PIBF1: variants seen among roughly 807,000 people sequenced by gnomAD.
The protein encoded by PIBF1 is progesterone-induced-blocking factor 1.
PIBF1 carries 90 observed loss-of-function variants against 112.5 expected under a neutral mutation model. The observed-to-expected ratio is 0.80, with a 90% confidence interval of 0.67 to 0.95. The LOEUF (loss-of-function observed/expected upper bound fraction) is 0.95. Among genes scored for constraint, PIBF1 ranks in the 40% least tolerant of loss-of-function variants. The pLI is 0.00. For synonymous variants in PIBF1, 301 were observed against 288.6 expected (o/e 1.04, Z -0.44); for missense variants, 915 against 852.3 (o/e 1.07, Z -0.92).
intron 16 of PIBF1, among the ~76,000 whole-genome samples, chr13:72,975,569 T>G (rs747376186): frequency 1.3e-4 from 20 of 152,024 alleles, no homozygotes; most frequent in Admixed American, 2.6e-4. Context: ...GGCATTGGAG[T>G]GAGTTCTCTT....
rs972228111 is a variant in PIBF1, at chr13:72,784,339, G to A, written c.252+618G>A. 5.3e-5 allele frequency among the ~76,000 whole-genome samples: 8 copies of A among 151,342 alleles called. No individual in the cohort carries two copies. In the East Asian group the frequency reaches 9.7e-4, roughly 18 times the overall value. On this transcript the variant is annotated intron_variant, in intron 2 of 17. Transcript: ENST00000326291. ...TGGGTGCCTGTAATCCCAGCTGCTC[G>A]GGAGGCTGAGGCAGGAGAATTGCTT... is the stretch of plus-strand genomic sequence containing the variant.
At chr13:72,986,804 C>G (rs973344401) in intron 16 of PIBF1, among the ~76,000 whole-genome samples, 3 of 151,872 alleles carry the variant, frequency 2.0e-5, no homozygotes, top group Non-Finnish European at 4.4e-5. Context: ...CATTCTCCTG[C>G]CTCAGCCTCC....
intron 10 of PIBF1, among the ~76,000 whole-genome samples, chr13:72,870,488 A>G (rs1419356500): frequency 6.6e-6 from 1 of 152,210 alleles, no homozygotes; most frequent in East Asian, 1.9e-4. Context: ...ATGCCAAAGT[A>G]TCTCTCTAAA....
chr13:72,814,272 C>G (rs2036160263), intron 5 of PIBF1, among the ~76,000 whole-genome samples: 1 of 151,756 alleles, frequency 6.6e-6, no homozygotes, highest in Non-Finnish European at 1.5e-5. Flanking sequence ...CCTGTCTCTA[C>G]TAAAAATACA....
intron 11 of PIBF1, among the ~76,000 whole-genome samples, chr13:72,894,912 G>A (rs933911819): frequency 4.6e-5 from 7 of 151,500 alleles, no homozygotes; most frequent in African/African-American, 1.7e-4. Context: ...ATCACCTGAG[G>A]TCAGGAGTTC....
At chr13:72,994,112 CAAAAAAAAAA>C (rs61438547) in intron 16 of PIBF1, among the ~76,000 whole-genome samples, 30,858 of 100,202 alleles carry the variant, frequency 0.31, 3,227 homozygotes, top group South Asian at 0.39. Context: ...GAACCTGTCT[CAAAAAAAAAA>C]GAAAAAAAAA....
intron 11 of PIBF1, among the ~76,000 whole-genome samples, chr13:72,894,697 AG>A (rs1202000215): frequency 1.2e-4 from 18 of 149,688 alleles, no homozygotes; most frequent in Admixed American, 8.0e-4. Context: ...CATACCGTAT[AG>A]CAAAATTAAA....
chr13:72,916,399 T>A lies in PIBF1; in HGVS notation c.1640-677T>A, dbSNP rs962717283. Among the ~76,000 whole-genome samples the A allele has an allele frequency of 1.1e-4, 16 of 141,698 alleles. No homozygotes were observed. The East Asian group carries it at 1.6e-3, about 14-fold the overall frequency. 93.0% of individuals were successfully genotyped at this position (141,698 alleles called of 152,430 possible). On this transcript the variant is annotated intron_variant, in intron 12 of 17. Transcript: ENST00000326291. The stretch of plus-strand genomic sequence containing the variant: ...AAGAGCGAAACTCCATCTCAAAAAA[T>A]ATATATATATATATATTTTTTTAAT...
chr13:72,967,076 C>T (rs1013293366), intron 15 of PIBF1, among the ~76,000 whole-genome samples: 2 of 151,732 alleles, frequency 1.3e-5, no homozygotes, highest in Non-Finnish European at 2.9e-5. Context: ...GCTAGGATTA[C>T]AGGCACACGC....
intron 14 of PIBF1, among the ~76,000 whole-genome samples, chr13:72,950,908 T>C (rs2138853696): frequency 6.6e-6 from 1 of 152,324 alleles, no homozygotes; most frequent in South Asian, 2.1e-4. Flanking sequence ...ATCCTGCCTG[T>C]AGTTCCCAGC....
chr13:72,943,706 G>C (rs545731295), intron 14 of PIBF1, among the ~76,000 whole-genome samples: 1 of 151,952 alleles, frequency 6.6e-6, no homozygotes, highest in Non-Finnish European at 1.5e-5. Flanking sequence ...TGTTACCTTC[G>C]TACTCCTCAG....
chr13:72,854,559 G>T (rs983414477), intron 10 of PIBF1, among the ~76,000 whole-genome samples: 2 of 152,078 alleles, frequency 1.3e-5, no homozygotes, highest in African/African-American at 4.8e-5. Context: ...CCACTTTGTT[G>T]TTGTATCAGT....
At chr13:72,968,330 C>G (rs1031426965) in intron 15 of PIBF1, among the ~76,000 whole-genome samples, 2 of 151,172 alleles carry the variant, frequency 1.3e-5, no homozygotes, top group Non-Finnish European at 2.9e-5. Flanking sequence ...GACGGAGTTT[C>G]ACTCTTGTCA....
chr13:72,943,863 T>C (rs2042077615), intron 14 of PIBF1, among the ~76,000 whole-genome samples: 1 of 152,236 alleles, frequency 6.6e-6, no homozygotes, highest in African/African-American at 2.4e-5. Context: ...GCAAGTTATC[T>C]TTTTGTAAGC....
chr13:73,010,902 C>A (rs1427318703), intron 17 of PIBF1, among the ~76,000 whole-genome samples: 3 of 126,886 alleles, frequency 2.4e-5, no homozygotes, highest in Non-Finnish European at 3.1e-5. Flanking sequence ...TCTCAGCTCA[C>A]TGCAACCTCC....
rs34525341 is a variant in PIBF1, at chr13:72,928,006, CAT to C, written c.1731-3151_1731-3150del. Among the ~76,000 whole-genome samples the C allele has an allele frequency of 5.6e-4, 57 of 101,802 alleles. 3 individuals are homozygous for C. The highest frequency in any genetic ancestry group is 2.9e-3 in the African/African-American group (51 of 17,794). 66.8% of individuals were successfully genotyped at this position (101,802 alleles called of 152,430 possible). On this transcript the variant is annotated intron_variant, in intron 13 of 17. Coordinates refer to ENST00000326291, the MANE Select transcript of PIBF1 (RefSeq NM_006346.4). ...ATATATATACACACACATATATATA[CAT>C]ATATATACATATATATACATATATA...
intron 10 of PIBF1, among the ~76,000 whole-genome samples, chr13:72,862,233 G>A (rs901660298): frequency 1.3e-5 from 2 of 152,218 alleles, no homozygotes; most frequent in African/African-American, 4.8e-5. Context: ...GTAAATCTAA[G>A]TGAAGTTACA....
rs1161816433 is a variant in PIBF1, at chr13:72,971,189, T to A, written c.1965-2402T>A. ...TGGTATTTGAAACAGAGAGTGAGTG[T>A]GTGTGTGTGTGTGTGTATGTGTGTG... is the stretch of plus-strand genomic sequence containing the variant. On this transcript the variant is annotated intron_variant, in intron 15 of 17. Coordinates refer to ENST00000326291, the MANE Select transcript of PIBF1 (RefSeq NM_006346.4). Among the ~76,000 whole-genome samples, 6 of 113,030 alleles carry A rather than the reference T, an allele frequency of 5.3e-5. No individual in the cohort carries two copies. The East Asian group carries it at 1.2e-3, about 22-fold the overall frequency. 74.2% of individuals were successfully genotyped at this position (113,030 alleles called of 152,430 possible).
At chr13:72,811,516 A>T (rs2138063520) in intron 5 of PIBF1, among the ~76,000 whole-genome samples, 1 of 151,612 alleles carries the variant, frequency 6.6e-6, no homozygotes, top group Non-Finnish European at 1.5e-5. Flanking sequence ...GAATCACTTG[A>T]ACCCAGGAGG....
Sources: allele counts gnomAD v4.1 joint callset (sites outside exome capture counted in the v4.1 genomes callset), GRCh38; gene constraint gnomAD v4.1.1; transcripts MANE v1.5; gene names NCBI Gene and HGNC (gene_info 2026-07-23, HGNC 2026-07-21).